MICB: variants seen among roughly 807,000 people sequenced by gnomAD.
MICB encodes the protein MHC class I antigen-related protein B.
MICB carries 27 observed loss-of-function variants against 34.3 expected under a neutral mutation model. The ratio of observed to expected loss-of-function variants is 0.79; its 90% CI spans 0.58 to 1.08. The LOEUF (loss-of-function observed/expected upper bound fraction) is 1.08, where lower values mean the gene tolerates loss of function less well. Among genes scored for constraint, MICB ranks in the 50% least tolerant of loss-of-function variants. The probability of loss-of-function intolerance (pLI) is 0.00; values close to 1 mark genes in which losing one functional copy is unlikely to be tolerated. For synonymous variants in MICB, 153 were observed against 187.4 expected, an observed-to-expected ratio of 0.82 and a Z score of 1.50; for missense variants, 426 against 483.1, an observed-to-expected ratio of 0.88 and a Z score of 1.11.
At chr6:31,503,396 T>C (rs1765107586) in intron 1 of MICB, among the ~76,000 whole-genome samples, 1 of 151,978 alleles carries the variant, frequency 6.6e-6, no homozygotes, top group Admixed American at 6.6e-5. Flanking sequence ...TCGGTGGCAT[T>C]AGATACATTC....
At chr6:31,498,309 G>A (rs759286455) in intron 1 of MICB, 46 bp downstream of exon 1, 37 of 1,478,590 alleles carry the variant, frequency 2.5e-5, no homozygotes, top group Middle Eastern at 2.4e-4. Flanking sequence ...GAGCGGCGGG[G>A]CGTTTCCGGG....
At chr6:31,503,627 T>A (rs1765118052) in intron 1 of MICB, among the ~76,000 whole-genome samples, 1 of 152,204 alleles carries the variant, frequency 6.6e-6, no homozygotes, top group African/African-American at 2.4e-5. Flanking sequence ...ATGGGTCAGA[T>A]TTTCATTCCT....
chr6:31,506,051 G>T, intron 2 of MICB, 92 bp from the exon 3 acceptor site: 1 of 1,503,216 alleles, frequency 6.7e-7, no homozygotes, highest in Non-Finnish European at 8.9e-7. Context: ...ATGGAGGAGG[G>T]CCAGGGAGGG....
chr6:31,506,044 G>A, intron 2 of MICB, 99 bp from the exon 3 acceptor site: 1 of 1,495,912 alleles, frequency 6.7e-7, no homozygotes. Flanking sequence ...GGGAGGCATG[G>A]AGGAGGGCCA....
chr6:31,505,008 G>A (rs2150288156), intron 1 of MICB, among the ~76,000 whole-genome samples: 1 of 152,176 alleles, frequency 6.6e-6, no homozygotes, highest in South Asian at 2.1e-4. Context: ...CTGGGGCCTT[G>A]TCATGCTACT....
intron 5 of MICB, among the ~76,000 whole-genome samples, chr6:31,508,828 T>C (rs1404747397): frequency 2.0e-5 from 3 of 152,206 alleles, no homozygotes; most frequent in African/African-American, 7.2e-5. Context: ...AATACTGCTG[T>C]TGTAAAGCAT....
chr6:31,505,522 T>G, intron 1 of MICB, 95 bp from the exon 2 acceptor site: 1 of 1,537,002 alleles, frequency 6.5e-7, no homozygotes, highest in Non-Finnish European at 8.8e-7. Flanking sequence ...ATTTCCTGCC[T>G]CCTCAGGGAG....
Position 31,510,245 on chromosome 6 carries a change from G to A in MICB, c.*336G>A, listed in dbSNP as rs774976275. On this transcript the variant is annotated 3_prime_UTR_variant, in exon 6 of 6. Coordinates refer to ENST00000252229, the MANE Select transcript of MICB (RefSeq NM_005931.5). The stretch of plus-strand genomic sequence containing the variant: ...TGGTGCTCATTGGAGTTATCTACTG[G>A]GTCATCTAGAGCCTATTGTTTGAGG... 1.9e-5 allele frequency: 4 copies of A among 205,834 alleles called. No homozygotes were observed. Among genetic ancestry groups the A allele is most frequent in the Non-Finnish European group, 2.9e-5 (3 of 103,814 alleles). The allele number at this position is 205,834 out of a possible 1,614,324, so 12.8% of individuals were successfully genotyped here. A position where few individuals can be genotyped will look rare whatever the true frequency, so the allele number is the denominator to read the frequency against.
At position 31,499,191 on chromosome 6, in the gene MICB, C is replaced by G. The variant is rs192354658; in HGVS notation, c.70+928C>G. Among the ~76,000 whole-genome samples, 51 of 152,150 alleles carry G rather than the reference C, an allele frequency of 3.4e-4. No homozygotes were observed. The East Asian group carries it at 7.0e-3, about 21-fold the overall frequency. On this transcript the variant is annotated intron_variant, in intron 1 of 5. Transcript: ENST00000252229. The stretch of plus-strand genomic sequence containing the variant: ...AGAGGATTCTTCCTGCGACTTCTGT[C>G]ATCCCCAGCTCATTCTCCCCTCGCC...
chr6:31,510,833 A>G lies in MICB; in HGVS notation c.*924A>G, dbSNP rs1475765979. ...AGTGCTGGGATTACAAGAATGAGCC[A>G]CCGTGCCTGGCCTATTTTATTATAT... On this transcript the variant is annotated 3_prime_UTR_variant, in exon 6 of 6. Transcript: ENST00000252229. The G allele has an allele frequency of 1.3e-5, 2 of 152,202 alleles. No homozygotes were observed. The highest frequency in any genetic ancestry group is 4.8e-5 in the African/African-American group (2 of 41,442). 9.4% of individuals were successfully genotyped at this position (152,202 alleles called of 1,614,324 possible). A position where few individuals can be genotyped will look rare whatever the true frequency, so the allele number is the denominator to read the frequency against.
chr6:31,508,723 T>G (rs1273223541), intron 5 of MICB, among the ~76,000 whole-genome samples: 1 of 152,206 alleles, frequency 6.6e-6, no homozygotes, highest in Non-Finnish European at 1.5e-5. Context: ...GGTATGAAAT[T>G]CATGTGCCAG....
intron 1 of MICB, among the ~76,000 whole-genome samples, chr6:31,504,971 C>T (rs142113928): frequency 3.3e-5 from 5 of 152,294 alleles, no homozygotes; most frequent in African/African-American, 4.8e-5. Flanking sequence ...CCCCAGTGGA[C>T]ACTAGCTGGT....
intron 1 of MICB, among the ~76,000 whole-genome samples, chr6:31,504,263 T>TTC (rs1554259820): frequency 2.7e-5 from 3 of 111,540 alleles, no homozygotes; most frequent in Non-Finnish European, 5.6e-5. Context: ...TCTTTTTTTT[T>TTC]TTTTTTTTTT....
chr6:31,497,322 G>C (rs1764720372), upstream of MICB, among the ~76,000 whole-genome samples: 2 of 151,900 alleles, frequency 1.3e-5, no homozygotes, highest in Non-Finnish European at 2.9e-5. Context: ...TTGTAGATCT[G>C]TCATATTGAA....
upstream of MICB, among the ~76,000 whole-genome samples, chr6:31,496,356 TC>T (rs1464087803): frequency 7.1e-6 from 1 of 140,568 alleles, no homozygotes; most frequent in African/African-American, 2.7e-5. Context: ...AAGATTTTCT[TC>T]CTTTTTTTCT....
Position 31,509,813 on chromosome 6 carries a change from C to G in MICB, c.1056C>G (p.His352Gln). Residue 352 changes from histidine to glutamine, a missense_variant, in exon 6 of 6, where the codon CAC (histidine) becomes CAG (glutamine). By Grantham distance (24) the His-to-Gln change is conservative. Coordinates refer to ENST00000252229, the MANE Select transcript of MICB (RefSeq NM_005931.5). Reference sequence around the variant, plus strand: ...TGAGCCTGCAGGTCCTGGATCAACACCCAGTTGGGACAGGAGACCACAGGG... The same window carrying G: ...TGAGCCTGCAGGTCCTGGATCAACAGCCAGTTGGGACAGGAGACCACAGGG... ...ELVSLQVLDQHPVGTGDHRDA... is the reference protein window; with the variant it reads ...ELVSLQVLDQQPVGTGDHRDA... 1 of 1,612,668 alleles carries G rather than the reference C, an allele frequency of 6.2e-7. No individual in the cohort carries two copies. The highest frequency in any genetic ancestry group is 1.1e-5 in the South Asian group (1 of 90,890).
At chr6:31,497,966 G>T, upstream of MICB, 1 of 324,032 alleles carries the variant, frequency 3.1e-6, no homozygotes, top group Non-Finnish European at 5.9e-6. Flanking sequence ...CTGGCCGCCA[G>T]GTCCCGCCTT....
chr6:31,498,297 G>C, intron 1 of MICB, 34 bp downstream of exon 1: 1 of 1,505,410 alleles, frequency 6.6e-7, no homozygotes, highest in Non-Finnish European at 8.9e-7. Context: ...CCGGCGGAGC[G>C]GGAGCGGCGG....
At chr6:31,504,772 T>C (rs1282509250) in intron 1 of MICB, among the ~76,000 whole-genome samples, 1 of 152,196 alleles carries the variant, frequency 6.6e-6, no homozygotes, top group Non-Finnish European at 1.5e-5. Context: ...TTATACCCAA[T>C]GTTTTTTTCT....
Sources: allele counts gnomAD v4.1 joint callset (sites outside exome capture counted in the v4.1 genomes callset), GRCh38; gene constraint gnomAD v4.1.1; transcripts MANE v1.5; gene names NCBI Gene and HGNC (gene_info 2026-07-23, HGNC 2026-07-21).